The following PRKG1 variants were observed in gnomAD, a reference collection of about 807,000 sequenced individuals.
PRKG1 encodes the protein protein kinase cGMP-dependent 1, also known as cGMP-dependent protein kinase 1.
PRKG1 carries 35 observed loss-of-function variants against 88.1 expected under a neutral mutation model. The ratio of observed to expected loss-of-function variants is 0.40; its 90% CI spans 0.30 to 0.53. The LOEUF is 0.53. Ranked by LOEUF, PRKG1 falls within the 20% of genes least tolerant of loss-of-function variation. The pLI is 0.59. For synonymous variants in PRKG1, 303 were observed against 292.5 expected (o/e 1.04, Z -0.37); for missense variants, 540 against 839.8 (o/e 0.64, Z 4.41).
In PRKG1 at chr10:51,727,036, C is replaced by T. The variant is rs149837843; in HGVS notation, c.593-77549C>T. On this transcript the variant is annotated intron_variant, in intron 3 of 17. Transcript: ENST00000373980. ...CCTCATGATCCGCCTGCCTCGGCCT[C>T]CCAAAGTGCTGGGATTACAGGTATG... Among the ~76,000 whole-genome samples, 628 of 152,150 alleles carry T rather than the reference C, an allele frequency of 4.1e-3. 4 individuals carry two copies. Among genetic ancestry groups the T allele is most frequent in the African/African-American group, 0.014 (591 of 41,498 alleles).
At chr10:51,445,634 A>G (rs1173502164) in intron 2 of PRKG1, among the ~76,000 whole-genome samples, 1 of 151,920 alleles carries the variant, frequency 6.6e-6, no homozygotes, top group Admixed American at 6.6e-5. Flanking sequence ...ATTTGAATGA[A>G]CAGATGGCCT....
chr10:51,399,573 C>A (rs934148319), intron 2 of PRKG1, among the ~76,000 whole-genome samples: 7 of 152,168 alleles, frequency 4.6e-5, no homozygotes, highest in African/African-American at 1.7e-4. Context: ...TAATGAGAGG[C>A]AGAGCCCCTT....
chr10:52,229,047 CT>C (rs1271140187), intron 9 of PRKG1, among the ~76,000 whole-genome samples: 1 of 151,956 alleles, frequency 6.6e-6, no homozygotes, highest in African/African-American at 2.4e-5. Context: ...TGCAAATATG[CT>C]TTGATGGAGC....
intron 1 of PRKG1, among the ~76,000 whole-genome samples, chr10:51,094,906 C>T (rs931485602): frequency 2.6e-5 from 4 of 152,086 alleles, no homozygotes; most frequent in Admixed American, 1.3e-4. Flanking sequence ...CCACAATTAG[C>T]ATTTGAGTCA....
chr10:51,123,283 T>C (rs569949219), intron 1 of PRKG1, among the ~76,000 whole-genome samples: 54 of 152,326 alleles, frequency 3.5e-4, no homozygotes, highest in African/African-American at 1.3e-3. Context: ...ATAAATTTTA[T>C]TACTGTTATC....
chr10:51,228,603 A>G (rs1838755452), intron 2 of PRKG1, among the ~76,000 whole-genome samples: 1 of 152,170 alleles, frequency 6.6e-6, no homozygotes, highest in African/African-American at 2.4e-5. Flanking sequence ...AGAGAGAGAG[A>G]GGGGAGACCA....
rs983494491 is a variant in PRKG1 at position 51,970,050 on chromosome 10, A to ACACACACACC, written c.762+62481_762+62482insACACACACCC. Reference sequence around the variant, plus strand: ...CACACACACACACACACACACACACACCCATATTTATTTATATATTTTTCT... The same window carrying ACACACACACC: ...CACACACACACACACACACACACACACACACACACCCCCATATTTATTTATATATTTTTCT... On this transcript the variant is annotated intron_variant, in intron 5 of 17. Coordinates refer to ENST00000373980, the MANE Select transcript of PRKG1 (RefSeq NM_006258.4). Among the ~76,000 whole-genome samples, 589 of 133,514 alleles carry ACACACACACC rather than the reference A, an allele frequency of 4.4e-3. 4 individuals carry two copies. The highest frequency in any genetic ancestry group is 6.8e-3 in the Non-Finnish European group (434 of 63,470). 87.6% of individuals were successfully genotyped at this position (133,514 alleles called of 152,430 possible).
chr10:51,440,088 A>G (rs1458198913), intron 2 of PRKG1, among the ~76,000 whole-genome samples: 1 of 151,970 alleles, frequency 6.6e-6, no homozygotes, highest in Non-Finnish European at 1.5e-5. Flanking sequence ...AATGGCTTGT[A>G]CAGTCAGCTT....
chr10:51,810,059 A>G (rs1034026739), intron 4 of PRKG1, among the ~76,000 whole-genome samples: 6 of 152,202 alleles, frequency 3.9e-5, no homozygotes, highest in Non-Finnish European at 8.8e-5. Flanking sequence ...CACATCAAGT[A>G]TGCCTGCCAT....
At chr10:51,330,951 A>G (rs1841725685) in intron 2 of PRKG1, among the ~76,000 whole-genome samples, 1 of 152,132 alleles carries the variant, frequency 6.6e-6, no homozygotes, top group Non-Finnish European at 1.5e-5. Context: ...ACTGAGGTGT[A>G]TCAGAAGCTG....
rs771939501 is a variant in PRKG1 at position 52,001,557 on chromosome 10, AT to A, written c.763-52919del. 2.6e-5 allele frequency among the ~76,000 whole-genome samples: 4 copies of A among 151,638 alleles called. No homozygotes were observed. The East Asian group carries it at 5.8e-4, about 22-fold the overall frequency. On this transcript the variant is annotated intron_variant, in intron 5 of 17. Transcript: ENST00000373980. ...TTTTTTAGGAATTTATAGATGAGGGATTTTTTTTCCTTCAGTCATTTTTTTT... is the reference window on the plus strand; with the variant it reads ...TTTTTTAGGAATTTATAGATGAGGGATTTTTTTCCTTCAGTCATTTTTTTT...
Position 51,173,143 on chromosome 10 carries a change from CTTATAA to C in PRKG1, c.478+19821_478+19826del, listed in dbSNP as rs534352555. ...TTCTTTTCACATCTAGAATTATCTTCTTATAATTATAATAAACAATACAGCTTTTGA... is the reference window on the plus strand; with the variant it reads ...TTCTTTTCACATCTAGAATTATCTTCTTATAATAAACAATACAGCTTTTGA... On this transcript the variant is annotated intron_variant, in intron 2 of 17. Coordinates refer to ENST00000373980, the MANE Select transcript of PRKG1 (RefSeq NM_006258.4). 1.1e-3 allele frequency among the ~76,000 whole-genome samples: 163 copies of C among 152,076 alleles called. 1 individual carries two copies. The highest frequency in any genetic ancestry group is 8.7e-3 in the East Asian group (45 of 5,188).
intron 2 of PRKG1, among the ~76,000 whole-genome samples, chr10:51,252,105 C>A (rs1487753264): frequency 6.6e-6 from 1 of 151,580 alleles, no homozygotes; most frequent in East Asian, 1.9e-4. Context: ...GAGGAAAACT[C>A]CAGCTATGTC....
intron 2 of PRKG1, among the ~76,000 whole-genome samples, chr10:51,277,242 T>C (rs890905254): frequency 2.0e-5 from 3 of 152,246 alleles, no homozygotes; most frequent in African/African-American, 7.2e-5. Flanking sequence ...TTCTTGTTTT[T>C]GTCAGGTTTG....
At chr10:51,263,668 G>A (rs1157276488) in intron 2 of PRKG1, among the ~76,000 whole-genome samples, 1 of 152,196 alleles carries the variant, frequency 6.6e-6, no homozygotes, top group Non-Finnish European at 1.5e-5. Context: ...TAACGTATAT[G>A]ATAAAGTAGA....
chr10:51,495,621 G>T (rs1840830426), intron 3 of PRKG1, among the ~76,000 whole-genome samples: 2 of 152,164 alleles, frequency 1.3e-5, no homozygotes, highest in African/African-American at 4.8e-5. Context: ...TATTACCTCA[G>T]TTCCCAGAAG....
intron 3 of PRKG1, among the ~76,000 whole-genome samples, chr10:51,682,574 G>A (rs543000867): frequency 1.3e-5 from 2 of 152,100 alleles, no homozygotes; most frequent in African/African-American, 4.8e-5. Flanking sequence ...TGTTTGTTTG[G>A]TTGGTTGGTT....
chr10:51,671,173 C>T (rs1840565190), intron 3 of PRKG1, among the ~76,000 whole-genome samples: 1 of 152,114 alleles, frequency 6.6e-6, no homozygotes. Context: ...GTAAGAAAGT[C>T]AGGAACAAAA....
intron 4 of PRKG1, among the ~76,000 whole-genome samples, chr10:51,879,733 G>A (rs1267351912): frequency 2.6e-5 from 4 of 152,240 alleles, no homozygotes; most frequent in East Asian, 1.9e-4. Context: ...TCCTCCTGCT[G>A]GCTTGAGTGT....
Sources: gnomAD v4.1 joint callset for allele counts (sites outside exome capture counted in the v4.1 genomes callset) on GRCh38, gnomAD v4.1.1 for gene constraint, MANE v1.5 for transcripts, NCBI Gene and HGNC (gene_info 2026-07-23, HGNC 2026-07-21) for gene names.